CNBD1: variants seen among roughly 807,000 people sequenced by gnomAD.
The protein encoded by CNBD1 is cyclic nucleotide-binding domain-containing protein 1.
In CNBD1, 71 loss-of-function variants were observed where a neutral mutation model predicts 54.4. The ratio of observed to expected loss-of-function variants is 1.30; its 90% CI spans 1.08 to 1.59. The LOEUF is 1.59. Ranked by LOEUF, CNBD1 falls within the 40% of genes most tolerant of loss-of-function variation. The pLI is 0.00. For synonymous variants in CNBD1, 182 were observed against 170.7 expected (o/e 1.07, Z -0.51); for missense variants, 659 against 518.0 (o/e 1.27, Z -2.64).
At chr8:87,041,297 G>A (rs1331967433) in intron 4 of CNBD1, among the ~76,000 whole-genome samples, 1 of 152,116 alleles carries the variant, frequency 6.6e-6, no homozygotes, top group African/African-American at 2.4e-5. Flanking sequence ...GATAACTTAT[G>A]GATATCCCTG....
At chr8:87,179,237 A>C (rs2130775855) in intron 4 of CNBD1, among the ~76,000 whole-genome samples, 1 of 152,334 alleles carries the variant, frequency 6.6e-6, no homozygotes, top group Admixed American at 6.5e-5. Flanking sequence ...ATATGCAGGA[A>C]ACTTCGAAGA....
chr8:86,956,815 C>T (rs1455056581), intron 4 of CNBD1, among the ~76,000 whole-genome samples: 2 of 152,164 alleles, frequency 1.3e-5, no homozygotes, highest in Non-Finnish European at 2.9e-5. Flanking sequence ...ATTGAATACC[C>T]TCTATTTCTT....
chr8:87,073,974 C>T (rs7005137), intron 4 of CNBD1, among the ~76,000 whole-genome samples: 34,648 of 151,584 alleles, frequency 0.23, 4,151 homozygotes, highest in Middle Eastern at 0.29. Flanking sequence ...TGGTGGTGGG[C>T]GCCGTAGTCC....
At chr8:87,396,653 G>A (rs1466525121) in intron 2 of CNBD1, among the ~76,000 whole-genome samples, 1 of 151,182 alleles carries the variant, frequency 6.6e-6, no homozygotes, top group East Asian at 1.9e-4. Context: ...ACCTATTATA[G>A]CTCTTATCTG....
At chr8:87,254,924 C>A (rs1233284923) in intron 6 of CNBD1, among the ~76,000 whole-genome samples, 2 of 151,956 alleles carry the variant, frequency 1.3e-5, no homozygotes, top group Admixed American at 6.6e-5. Context: ...AAGCAAAATA[C>A]TTTTTTTTCC....
At chr8:86,959,820 T>G (rs572035324) in intron 4 of CNBD1, among the ~76,000 whole-genome samples, 2 of 152,304 alleles carry the variant, frequency 1.3e-5, no homozygotes, top group South Asian at 4.1e-4. Flanking sequence ...CAGAGAAGTT[T>G]GTTATTACTG....
chr8:87,289,065 G>A (rs529798514), intron 8 of CNBD1, among the ~76,000 whole-genome samples: 11 of 152,210 alleles, frequency 7.2e-5, no homozygotes, highest in African/African-American at 2.4e-4. Flanking sequence ...ATCAGAGAAT[G>A]TAGAGAATGT....
intron 8 of CNBD1, among the ~76,000 whole-genome samples, chr8:87,336,334 A>G (rs996292176): frequency 6.6e-6 from 1 of 151,976 alleles, no homozygotes; most frequent in Non-Finnish European, 1.5e-5. Flanking sequence ...CAGGTACTCC[A>G]GTTAGTTGTA....
intron 4 of CNBD1, among the ~76,000 whole-genome samples, chr8:86,997,846 A>G (rs1434541700): frequency 6.6e-6 from 1 of 152,066 alleles, no homozygotes; most frequent in Non-Finnish European, 1.5e-5. Flanking sequence ...CTTGGTGGAA[A>G]GGTTATGCTT....
chr8:86,945,658 A>G (rs770280742), intron 4 of CNBD1, among the ~76,000 whole-genome samples: 17 of 152,214 alleles, frequency 1.1e-4, no homozygotes, highest in Non-Finnish European at 1.5e-4. Flanking sequence ...GAAAGTTTCC[A>G]TTTGAACTTA....
At chr8:87,264,599 G>C (rs979941617) in intron 6 of CNBD1, among the ~76,000 whole-genome samples, 6 of 152,124 alleles carry the variant, frequency 3.9e-5, no homozygotes, top group African/African-American at 1.4e-4. Context: ...GGTTGAACTA[G>C]TTTACAGTCC....
At chr8:86,980,144 C>T (rs575162087) in intron 4 of CNBD1, among the ~76,000 whole-genome samples, 1 of 152,280 alleles carries the variant, frequency 6.6e-6, no homozygotes, top group South Asian at 2.1e-4. Context: ...GGAAATGTAT[C>T]ACTTTAAAGA....
intron 4 of CNBD1, among the ~76,000 whole-genome samples, chr8:86,987,103 G>A (rs553718016): frequency 1.3e-5 from 2 of 152,250 alleles, no homozygotes; most frequent in East Asian, 1.9e-4. Flanking sequence ...ATTTTGGGTA[G>A]TGTGGCCATT....
intron 4 of CNBD1, among the ~76,000 whole-genome samples, chr8:87,119,030 A>G (rs1329596290): frequency 2.0e-5 from 3 of 152,198 alleles, no homozygotes; most frequent in Non-Finnish European, 1.5e-5. Flanking sequence ...ACATGTATTC[A>G]GCACCTACTG....
At chr8:87,402,683 G>T (rs547931332) in intron 2 of CNBD1, among the ~76,000 whole-genome samples, 18 of 152,164 alleles carry the variant, frequency 1.2e-4, no homozygotes, top group African/African-American at 4.1e-4. Context: ...AATCTCAGGG[G>T]ATTTTTTATG....
At chr8:86,906,104 G>A (rs1387677949) in intron 3 of CNBD1, among the ~76,000 whole-genome samples, 1 of 152,204 alleles carries the variant, frequency 6.6e-6, no homozygotes, top group African/African-American at 2.4e-5. Context: ...GTAGATGTGT[G>A]TTGCCCCATG....
rs546634012 is a variant in CNBD1 at position 87,302,475 on chromosome 8, G to C, written c.1042+15804G>C. On this transcript the variant is annotated intron_variant, in intron 8 of 10. Coordinates refer to ENST00000518476, the MANE Select transcript of CNBD1 (RefSeq NM_173538.3). ...AAAAACTCTCAATAAATTAGGTATT[G>C]ATGGGACGTATCTCAAAATAATAAG... Among the ~76,000 whole-genome samples the C allele has an allele frequency of 1.6e-3, 239 of 152,006 alleles. 2 individuals are homozygous for C. The highest frequency in any genetic ancestry group is 3.2e-3 in the Admixed American group (49 of 15,276).
chr8:86,947,405 A>G (rs1807493541), intron 4 of CNBD1, among the ~76,000 whole-genome samples: 1 of 152,096 alleles, frequency 6.6e-6, no homozygotes, highest in African/African-American at 2.4e-5. Context: ...TTTCCAAATG[A>G]GCCACTAAAT....
At chr8:87,068,912 A>G (rs765873931) in intron 4 of CNBD1, among the ~76,000 whole-genome samples, 21 of 152,184 alleles carry the variant, frequency 1.4e-4, no homozygotes, top group Non-Finnish European at 2.9e-4. Flanking sequence ...CTCATACAGA[A>G]AGAAAAATAG....
Sources: allele counts gnomAD v4.1 joint callset (sites outside exome capture counted in the v4.1 genomes callset), GRCh38; gene constraint gnomAD v4.1.1; transcripts MANE v1.5; gene names NCBI Gene and HGNC (gene_info 2026-07-23, HGNC 2026-07-21).